Variants in SLC17A1 observed in about 807,000 individuals in gnomAD.
The protein encoded by SLC17A1 is sodium-dependent phosphate transport protein 1.
Under a neutral mutation model 53.5 loss-of-function variants are expected in SLC17A1, and 51 were observed. The ratio of observed to expected loss-of-function variants is 0.95; its 90% CI spans 0.76 to 1.20. SLC17A1 has a LOEUF of 1.20. Ranked by LOEUF, SLC17A1 falls within the 50% of genes most tolerant of loss-of-function variation. SLC17A1 has a pLI of 0.00. For missense variants in SLC17A1, 538 were observed against 568.2 expected (o/e 0.95, Z 0.54); for synonymous variants, 179 against 198.8 (o/e 0.90, Z 0.84).
At chr6:25,779,092 A>G, downstream of SLC17A1, 1 of 1,613,858 alleles carries the variant, frequency 6.2e-7, no homozygotes, top group Non-Finnish European at 8.5e-7. Flanking sequence ...TCTTGCTTTC[A>G]GCTGCTGTTA....
chr6:25,742,939 T>C, the SLC17A1 span, among the ~76,000 whole-genome samples: 5 of 152,242 alleles, frequency 3.3e-5, no homozygotes, highest in Admixed American at 1.3e-4. Context: ...TCCACATATA[T>C]GAAACAACAA....
chr6:25,727,515 C>T, the SLC17A1 span, among the ~76,000 whole-genome samples: 1 of 151,782 alleles, frequency 6.6e-6, no homozygotes, highest in African/African-American at 2.4e-5. Flanking sequence ...CCTCAGCCTC[C>T]TGAGCAGCTG....
At chr6:25,793,567 T>C (rs72843532) in intron 12 of SLC17A1, among the ~76,000 whole-genome samples, 17,909 of 152,156 alleles carry the variant, frequency 0.12, 1,307 homozygotes, top group South Asian at 0.19. Flanking sequence ...TAGCTATTTG[T>C]TTCCCCCTAT....
At chr6:25,793,722 A>G (rs1408755040) in intron 12 of SLC17A1, among the ~76,000 whole-genome samples, 3 of 152,124 alleles carry the variant, frequency 2.0e-5, no homozygotes, top group Non-Finnish European at 4.4e-5. Flanking sequence ...GGGTCTGTGA[A>G]TTTACATAGA....
the SLC17A1 span, chr6:25,731,717 G>T: frequency 1.8e-5 from 20 of 1,134,728 alleles, no homozygotes; most frequent in Non-Finnish European, 2.5e-5. Context: ...AGCCCTATTA[G>T]AAACTTTCAT....
Position 25,818,306 on chromosome 6 carries a change from G to A in SLC17A1, c.616+762C>T, listed in dbSNP as rs574100991. Among the ~76,000 whole-genome samples, 12 of 152,288 alleles carry A rather than the reference G, an allele frequency of 7.9e-5. No homozygotes were observed. The South Asian group carries it at 2.5e-3, about 32-fold the overall frequency. On this transcript the variant is annotated intron_variant, in intron 6 of 12. Transcript: ENST00000244527. Reference sequence around the variant, plus strand: ...TCCTGCTCTATAGGGCTCTCCTAATGGATTCTGATAACTACTTCCTTGCTT... The same window carrying A: ...TCCTGCTCTATAGGGCTCTCCTAATAGATTCTGATAACTACTTCCTTGCTT...
the SLC17A1 span, among the ~76,000 whole-genome samples, chr6:25,769,881 G>C: frequency 1.5e-4 from 23 of 152,146 alleles, no homozygotes; most frequent in African/African-American, 5.5e-4. Flanking sequence ...TTGTGTCAGG[G>C]TGAGCGGAAA....
chr6:25,785,660 G>A (rs1473431593), intron 12 of SLC17A1, among the ~76,000 whole-genome samples: 1 of 151,862 alleles, frequency 6.6e-6, no homozygotes, highest in Non-Finnish European at 1.5e-5. Flanking sequence ...TTAAAATGTG[G>A]GCAAACACAC....
At chr6:25,818,290 A>G (rs890642630) in intron 6 of SLC17A1, among the ~76,000 whole-genome samples, 3 of 152,188 alleles carry the variant, frequency 2.0e-5, no homozygotes, top group Non-Finnish European at 4.4e-5. Flanking sequence ...ATCCTGCTCT[A>G]TAGGGCTCTC....
chr6:25,770,459 A>G, the SLC17A1 span: 1 of 1,614,032 alleles, frequency 6.2e-7, no homozygotes, highest in South Asian at 1.1e-5. Flanking sequence ...ACTCACCACC[A>G]TTGCTGGATC....
the SLC17A1 span, among the ~76,000 whole-genome samples, chr6:25,750,718 T>C: frequency 6.6e-6 from 1 of 151,124 alleles, no homozygotes; most frequent in African/African-American, 2.4e-5. Context: ...AGTGACATAA[T>C]ACCACAGAAC....
chr6:25,759,588 T>C, the SLC17A1 span, among the ~76,000 whole-genome samples: 1 of 152,190 alleles, frequency 6.6e-6, no homozygotes, highest in Non-Finnish European at 1.5e-5. Flanking sequence ...TATAAGTTTG[T>C]TTTGTCTGAT....
At chr6:25,787,485 A>G (rs1763409204) in intron 12 of SLC17A1, among the ~76,000 whole-genome samples, 1 of 152,182 alleles carries the variant, frequency 6.6e-6, no homozygotes, top group Non-Finnish European at 1.5e-5. Flanking sequence ...TAATCAGAGA[A>G]GAAGGGAGGG....
downstream of SLC17A1, chr6:25,781,017 G>A (rs940222719): frequency 6.6e-6 from 1 of 152,156 alleles, no homozygotes; most frequent in African/African-American, 2.4e-5. Flanking sequence ...TGAGACCTGG[G>A]CTCCATTTAC....
chr6:25,797,743 G>A (rs1165216), intron 12 of SLC17A1, among the ~76,000 whole-genome samples: 58,011 of 151,512 alleles, frequency 0.38, 11,933 homozygotes, highest in East Asian at 0.7. Context: ...GGGATTACAG[G>A]TGCCCACCAC....
intron 10 of SLC17A1, among the ~76,000 whole-genome samples, chr6:25,808,921 A>T (rs961775199): frequency 4.6e-5 from 7 of 152,092 alleles, no homozygotes; most frequent in Non-Finnish European, 1.0e-4. Flanking sequence ...AAAGGAAAAG[A>T]TATTATTGTA....
chr6:25,813,991 G>A (rs1242754160), intron 6 of SLC17A1, among the ~76,000 whole-genome samples: 1 of 152,126 alleles, frequency 6.6e-6, no homozygotes, highest in Non-Finnish European at 1.5e-5. Context: ...TCATTGATGG[G>A]CATTTAGGTT....
At position 25,811,345 on chromosome 6, in the gene SLC17A1, T is replaced by C. The variant is rs1286427009; in HGVS notation, c.1178+53A>G. Reference sequence around the variant, plus strand: ...ATCATCATGTTGTGCACAATAAATATATACAATATTTATTTGTTAAAGGTT... The same window carrying C: ...ATCATCATGTTGTGCACAATAAATACATACAATATTTATTTGTTAAAGGTT... On this transcript the variant is annotated intron_variant, in intron 10 of 12. Coordinates refer to ENST00000244527, the MANE Select transcript of SLC17A1 (RefSeq NM_005074.5). The C allele has an allele frequency of 2.2e-5, 34 of 1,518,382 alleles. No individual in the cohort carries two copies. In the East Asian group the frequency reaches 3.2e-4, roughly 14 times the overall value. 94.1% of individuals were successfully genotyped at this position (1,518,382 alleles called of 1,614,324 possible). A position where few individuals can be genotyped will look rare whatever the true frequency, so the allele number is the denominator to read the frequency against.
At chr6:25,811,842 T>C in intron 8 of SLC17A1, 72 bp from the exon 9 acceptor site, 12 of 1,501,886 alleles carry the variant, frequency 8.0e-6, no homozygotes, top group Non-Finnish European at 1.1e-5. Context: ...GTAATCCCTA[T>C]GCTAAAATTT....
Sources: allele counts gnomAD v4.1 joint callset (sites outside exome capture counted in the v4.1 genomes callset), GRCh38; gene constraint gnomAD v4.1.1; transcripts MANE v1.5; gene names NCBI Gene and HGNC (gene_info 2026-07-23, HGNC 2026-07-21).